Variants in MBNL2 observed in about 807,000 individuals in gnomAD.
MBNL2 encodes the protein muscleblind like splicing regulator 2, also known as muscleblind-like protein 2.
Under a neutral mutation model 41.9 loss-of-function variants are expected in MBNL2, and 17 were observed. The ratio of observed to expected loss-of-function variants is 0.41; its 90% confidence interval spans 0.28 to 0.61. The LOEUF (loss-of-function observed/expected upper bound fraction) is 0.61, where lower values mean the gene tolerates loss of function less well. Among genes scored for constraint, MBNL2 ranks in the 20% least tolerant of loss-of-function variants. The pLI is 0.35. For missense variants in MBNL2, 336 were observed against 505.6 expected (o/e 0.66, Z 3.22); for synonymous variants, 195 against 182.9 (o/e 1.07, Z -0.53).
intron 1 of MBNL2, among the ~76,000 whole-genome samples, chr13:97,261,551 G>A (rs1257290837): frequency 2.6e-4 from 40 of 152,194 alleles, no homozygotes; most frequent in Admixed American, 2.6e-3. Context: ...GATGGAGACA[G>A]CATAACCATT....
chr13:97,272,970 G>T (rs1449924326), intron 1 of MBNL2, among the ~76,000 whole-genome samples: 1 of 152,146 alleles, frequency 6.6e-6, no homozygotes, highest in Non-Finnish European at 1.5e-5. Context: ...GAATGAAAAA[G>T]GCTTCTTACC....
chr13:97,210,763 T>C, the MBNL2 span, among the ~76,000 whole-genome samples: 3 of 151,992 alleles, frequency 2.0e-5, no homozygotes, highest in Non-Finnish European at 4.4e-5. Context: ...TTGGCCAGGC[T>C]GGTCTTAAAC....
At chr13:97,201,954 T>C in the MBNL2 span, among the ~76,000 whole-genome samples, 7 of 152,228 alleles carry the variant, frequency 4.6e-5, no homozygotes, top group Non-Finnish European at 1.0e-4. Context: ...TTTCTTCATA[T>C]GTACCAAATC....
At chr13:97,390,950 A>G (rs945212180) in intron 8 of MBNL2, among the ~76,000 whole-genome samples, 1 of 152,158 alleles carries the variant, frequency 6.6e-6, no homozygotes, top group African/African-American at 2.4e-5. Context: ...CTCTGATTAG[A>G]CTTTCTGATC....
intron 8 of MBNL2, among the ~76,000 whole-genome samples, chr13:97,372,858 C>T (rs1346024872): frequency 6.6e-6 from 1 of 152,176 alleles, no homozygotes; most frequent in Admixed American, 6.5e-5. Flanking sequence ...CATCTCTCAT[C>T]TCAGAGTTTT....
chr13:97,235,435 T>C (rs566677195), intron 1 of MBNL2, among the ~76,000 whole-genome samples: 1 of 152,302 alleles, frequency 6.6e-6, no homozygotes, highest in African/African-American at 2.4e-5. Context: ...GTGATTATTT[T>C]TGGAAACATT....
At chr13:97,362,285 A>G (rs2063476896) in intron 7 of MBNL2, among the ~76,000 whole-genome samples, 1 of 152,162 alleles carries the variant, frequency 6.6e-6, no homozygotes, top group African/African-American at 2.4e-5. Flanking sequence ...ATTTTAGAGC[A>G]TTTTGGATTT....
chr13:97,211,506 G>A, the MBNL2 span, among the ~76,000 whole-genome samples: 1 of 152,290 alleles, frequency 6.6e-6, no homozygotes, highest in East Asian at 1.9e-4. Flanking sequence ...ATTTAAGTAT[G>A]GTTATTTCTT....
intron 4 of MBNL2, among the ~76,000 whole-genome samples, chr13:97,344,234 T>C (rs2061657970): frequency 1.3e-5 from 2 of 152,264 alleles, no homozygotes; most frequent in South Asian, 2.1e-4. Context: ...TCCTGTACTT[T>C]GTTGGGTAAA....
At chr13:97,320,696 C>T (rs2153040225) in intron 2 of MBNL2, among the ~76,000 whole-genome samples, 2 of 151,998 alleles carry the variant, frequency 1.3e-5, no homozygotes, top group South Asian at 4.2e-4. Context: ...GGTGGATCAC[C>T]TGAGATTAAG....
In MBNL2 at chr13:97,278,251, CAAAAAAAA is replaced by C. The variant is rs10606011; in HGVS notation, c.174+1861_174+1868del. 9.2e-3 allele frequency among the ~76,000 whole-genome samples: 375 copies of C among 40,550 alleles called. 5 individuals are homozygous for C. The highest frequency in any genetic ancestry group is 0.039 in the African/African-American group (346 of 8,852). 26.6% of individuals were successfully genotyped at this position (40,550 alleles called of 152,430 possible). ...CCTGGGTGATAGAGTGAGACTGTCT[CAAAAAAAA>C]AAAAAAAAAAAAAAAAAAGCAGTGT... On this transcript the variant is annotated intron_variant, in intron 2 of 8. Coordinates refer to ENST00000679496, the MANE Select transcript of MBNL2 (RefSeq NM_001382683.1).
chr13:97,181,695 A>T, the MBNL2 span, among the ~76,000 whole-genome samples: 1 of 152,310 alleles, frequency 6.6e-6, no homozygotes, highest in South Asian at 2.1e-4. Context: ...TGATATATCA[A>T]CCTCAGTTAA....
chr13:97,168,621 G>A, the MBNL2 span, among the ~76,000 whole-genome samples: 2 of 152,124 alleles, frequency 1.3e-5, no homozygotes, highest in Admixed American at 1.3e-4. Context: ...TCTCCCCAGT[G>A]TTTAAATAGT....
At chr13:97,234,476 G>C (rs920615029) in intron 1 of MBNL2, among the ~76,000 whole-genome samples, 1 of 152,108 alleles carries the variant, frequency 6.6e-6, no homozygotes, top group Non-Finnish European at 1.5e-5. Context: ...TCTCAGCTTG[G>C]TTCAGGCCTG....
chr13:97,225,362 C>G (rs1566350618), intron 1 of MBNL2, among the ~76,000 whole-genome samples: 1 of 152,130 alleles, frequency 6.6e-6, no homozygotes, highest in Non-Finnish European at 1.5e-5. Context: ...GGAAGGTATA[C>G]TGATTTGTTT....
intron 1 of MBNL2, among the ~76,000 whole-genome samples, chr13:97,235,743 C>T (rs2043152157): frequency 6.6e-6 from 1 of 152,160 alleles, no homozygotes; most frequent in Admixed American, 6.5e-5. Context: ...TCCTTCCTCC[C>T]TCCCTGGGGC....
the MBNL2 span, among the ~76,000 whole-genome samples, chr13:97,203,869 A>T: frequency 7.2e-6 from 1 of 139,540 alleles, no homozygotes; most frequent in Non-Finnish European, 1.6e-5. Flanking sequence ...ATGAATGATA[A>T]GTGAATGGAT....
intron 2 of MBNL2, among the ~76,000 whole-genome samples, chr13:97,278,692 A>G (rs1476543360): frequency 1.3e-5 from 2 of 152,214 alleles, no homozygotes; most frequent in African/African-American, 4.8e-5. Context: ...TTTAAAAATC[A>G]TTTTCAGAAG....
At chr13:97,188,062 T>G in the MBNL2 span, among the ~76,000 whole-genome samples, 6 of 152,170 alleles carry the variant, frequency 3.9e-5, no homozygotes, top group African/African-American at 7.2e-5. Context: ...CAAGGCTGTT[T>G]TAGGTTTCAG....
Sources: allele counts gnomAD v4.1 joint callset (sites outside exome capture counted in the v4.1 genomes callset), GRCh38; gene constraint gnomAD v4.1.1; transcripts MANE v1.5; gene names NCBI Gene and HGNC (gene_info 2026-07-23, HGNC 2026-07-21).